COL5A1: variants seen among roughly 807,000 people sequenced by gnomAD.
COL5A1 encodes collagen type V alpha 1 chain, also known as collagen alpha-1(V) chain.
In COL5A1, 16 loss-of-function variants were observed where a neutral mutation model predicts 263.7. That is an observed-to-expected ratio of 0.06 (90% CI 0.04 to 0.09). The LOEUF (loss-of-function observed/expected upper bound fraction) is 0.09. Ranked by LOEUF, COL5A1 falls within the 10% of genes least tolerant of loss-of-function variation. COL5A1 has a pLI of 1.00. For missense variants in COL5A1, 2,036 were observed against 2,540.5 expected, an observed-to-expected ratio of 0.80 and a Z score of 4.27; for synonymous variants, 1,012 against 1,004.5, an observed-to-expected ratio of 1.01 and a Z score of -0.14.
chr9:134,642,829 C>G lies in COL5A1; in HGVS notation c.109+533C>G, dbSNP rs1224227087. Among the ~76,000 whole-genome samples, 3 of 152,206 alleles carry G rather than the reference C, an allele frequency of 2.0e-5. No individual in the cohort carries two copies. Among genetic ancestry groups the G allele is most frequent in the African/African-American group, 7.2e-5 (3 of 41,464 alleles). On this transcript the variant is annotated intron_variant, in intron 1 of 65. Transcript: ENST00000371817. This position sits in a 1 kb window ranked among gnomAD's most constrained non-coding sequence, Gnocchi z 4.5. ...AGGCTGAGCTGGCGCCCTGCTTTCC[C>G]CAGGGACAGCGTTTCCTGCAGCCTT...
At chr9:134,783,780 C>G (rs772784402) in intron 29 of COL5A1, among the ~76,000 whole-genome samples, 2 of 152,188 alleles carry the variant, frequency 1.3e-5, no homozygotes, top group Admixed American at 6.5e-5. Context: ...GGATCTCTTG[C>G]GCAATGTTGT....
intron 3 of COL5A1, 114 bp from the exon 4 acceptor site, chr9:134,701,057 C>A: frequency 9.1e-7 from 1 of 1,102,140 alleles, no homozygotes; most frequent in Non-Finnish European, 1.3e-6. Context: ...CTCCGCCCCA[C>A]CACGATCGTG....
chr9:134,652,019 C>A lies in COL5A1; in HGVS notation c.109+9723C>A, dbSNP rs1439773770. Among the ~76,000 whole-genome samples the A allele has an allele frequency of 6.6e-6, 1 of 152,058 alleles. No individual in the cohort carries two copies. The highest frequency in any genetic ancestry group is 1.5e-5 in the Non-Finnish European group (1 of 68,022). On this transcript the variant is annotated intron_variant, in intron 1 of 65. Transcript: ENST00000371817. The surrounding 1 kb of genome is among the most constrained non-coding windows in gnomAD (Gnocchi z 4.4). The stretch of plus-strand genomic sequence containing the variant: ...TCTTTCTAAGGAGGGATGGTGACTC[C>A]CAGAGGTATTAAGGAAAGGAGAAAG...
In COL5A1 at chr9:134,773,025, G is replaced by C. The variant is rs7470855; in HGVS notation, c.2331+191G>C. 0.29 allele frequency among the ~76,000 whole-genome samples: 44,073 copies of C among 152,012 alleles called. 6,748 individuals are homozygous for C. The highest frequency in any genetic ancestry group is 0.62 in the East Asian group (3,186 of 5,122). ...ACAGGCCTTTTCCCCAAGAAGCGGGGCACCCCTCTCTGGGTCAGTGCCCCT... is the reference window on the plus strand; with the variant it reads ...ACAGGCCTTTTCCCCAAGAAGCGGGCCACCCCTCTCTGGGTCAGTGCCCCT... On this transcript the variant is annotated intron_variant, in intron 26 of 65. Coordinates refer to ENST00000371817, the MANE Select transcript of COL5A1 (RefSeq NM_000093.5).
intron 16 of COL5A1, among the ~76,000 whole-genome samples, chr9:134,756,420 G>A (rs544752547): frequency 6.6e-5 from 10 of 152,288 alleles, no homozygotes; most frequent in South Asian, 2.1e-4. Flanking sequence ...CTAAATTCAC[G>A]GTCCCCTAGA....
intron 4 of COL5A1, among the ~76,000 whole-genome samples, chr9:134,720,601 A>T (rs1453070081): frequency 1.3e-5 from 2 of 152,110 alleles, no homozygotes; most frequent in African/African-American, 4.8e-5. Flanking sequence ...GTTGAGAAGG[A>T]TTCTGAGGGC....
In COL5A1 at chr9:134,842,309, G is replaced by C; in HGVS notation, c.*6G>C. ...CGGCTTGCTTCATGGGCTAGGAGCC[G>C]CCGAGCCCGGGCTCCCGAGAGCAAC... is the stretch of plus-strand genomic sequence containing the variant. On this transcript the variant is annotated 3_prime_UTR_variant, in exon 66 of 66. Coordinates refer to ENST00000371817, the MANE Select transcript of COL5A1 (RefSeq NM_000093.5). The surrounding 1 kb of genome is among the most constrained non-coding windows in gnomAD (Gnocchi z 5.8). The C allele has an allele frequency of 6.2e-7, 1 of 1,613,984 alleles. No homozygotes were observed. The highest frequency in any genetic ancestry group is 8.5e-7 in the Non-Finnish European group (1 of 1,179,966).
chr9:134,770,518 T>C (rs1471240570), intron 25 of COL5A1, among the ~76,000 whole-genome samples: 2 of 152,186 alleles, frequency 1.3e-5, no homozygotes, highest in South Asian at 2.1e-4. Flanking sequence ...AGAAAAATGC[T>C]CACAATGTAA....
chr9:134,699,450 C>CCTCCCTCCCTCTCT lies in COL5A1; in HGVS notation c.278-451_278-450insCTCTCTCTCCCTCC, dbSNP rs1345490423. ...CCCTTCTCCCTTCCTCTCTCTGCTTCCTCCCTCCGTCTCTCTCCCTCCCTC... is the reference window on the plus strand; with the variant it reads ...CCCTTCTCCCTTCCTCTCTCTGCTTCCTCCCTCCCTCTCTCTCCCTCCGTCTCTCTCCCTCCCTC... On this transcript the variant is annotated intron_variant, in intron 2 of 65. Transcript: ENST00000371817. Among the ~76,000 whole-genome samples the CCTCCCTCCCTCTCT allele has an allele frequency of 2.2e-4, 34 of 151,974 alleles. 1 individual carries two copies. Among genetic ancestry groups the CCTCCCTCCCTCTCT allele is most frequent in the Non-Finnish European group, 1.5e-5 (1 of 67,984 alleles).
Position 134,730,355 on chromosome 9 carries a change from G to C in COL5A1, c.1044G>C (p.Thr348=). 6.2e-7 allele frequency: 1 copy of C among 1,614,220 alleles called. No individual in the cohort carries two copies. Among genetic ancestry groups the C allele is most frequent in the Non-Finnish European group, 8.5e-7 (1 of 1,180,042 alleles). The change falls in exon 7 of 66, where the codon ACG becomes ACC. Residue 348 remains threonine, a synonymous_variant. Transcript: ENST00000371817. Reference sequence around the variant, plus strand: ...ACGTGCCCAGTGAGGACTACTACACGCCCTCACCGTATGATGACCTCACCT... The same window carrying C: ...ACGTGCCCAGTGAGGACTACTACACCCCCTCACCGTATGATGACCTCACCT... ...YDYVPSEDYY[T]PSPYDDLTYG... is the part of the protein sequence containing the mutation.
chr9:134,726,466 A>T (rs1309560004), intron 4 of COL5A1, among the ~76,000 whole-genome samples: 1 of 152,048 alleles, frequency 6.6e-6, no homozygotes, highest in African/African-American at 2.4e-5. Flanking sequence ...GAGTGGATGG[A>T]TGGGTGAATG....
intron 1 of COL5A1, among the ~76,000 whole-genome samples, chr9:134,671,988 G>T (rs1294388681): frequency 6.6e-6 from 1 of 152,368 alleles, no homozygotes; most frequent in Middle Eastern, 3.4e-3. Context: ...TTGGTGTGGG[G>T]GGGCCCACTT....
intron 1 of COL5A1, among the ~76,000 whole-genome samples, chr9:134,675,196 C>T (rs891015345): frequency 3.3e-5 from 5 of 152,120 alleles, no homozygotes; most frequent in African/African-American, 9.7e-5. Flanking sequence ...CATTTGTATT[C>T]ATCTCAAATT....
intron 27 of COL5A1, among the ~76,000 whole-genome samples, chr9:134,777,814 C>A (rs1276218907): frequency 1.3e-5 from 2 of 152,186 alleles, no homozygotes; most frequent in Non-Finnish European, 2.9e-5. Flanking sequence ...GAAATAATGC[C>A]AGCCACACAA....
intron 1 of COL5A1, among the ~76,000 whole-genome samples, chr9:134,664,495 A>G (rs892050120): frequency 2.6e-5 from 4 of 152,356 alleles, no homozygotes; most frequent in Non-Finnish European, 5.9e-5. Flanking sequence ...ATCAGTCAGA[A>G]AAGTCCAGCA....
Position 134,834,951 on chromosome 9 carries a change from C to A in COL5A1, c.5137-20C>A. On this transcript the variant is annotated intron_variant, in intron 64 of 65. Transcript: ENST00000371817. ...TGTGTGTCCCCACCCTGCTGAGCCCCAACACCCCTGTCCCCCCAGCTCTCC... is the reference window on the plus strand; with the variant it reads ...TGTGTGTCCCCACCCTGCTGAGCCCAAACACCCCTGTCCCCCCAGCTCTCC... 6.3e-7 allele frequency: 1 copy of A among 1,584,594 alleles called. No homozygotes were observed. The highest frequency in any genetic ancestry group is 8.6e-7 in the Non-Finnish European group (1 of 1,156,542).
chr9:134,704,793 C>CT (rs72014908), intron 4 of COL5A1, among the ~76,000 whole-genome samples: 37,207 of 116,744 alleles, frequency 0.32, 4,836 homozygotes, highest in Non-Finnish European at 0.41. Flanking sequence ...AGCATCTTTT[C>CT]TTTTTTTTTT....
intron 14 of COL5A1, 56 bp downstream of exon 14, chr9:134,752,701 T>A: frequency 1.4e-6 from 2 of 1,399,686 alleles, no homozygotes; most frequent in Non-Finnish European, 1.0e-6. Flanking sequence ...GCCCACTCCC[T>A]GTGTCGTTGG....
rs752713254 is a variant in COL5A1 at position 134,796,829 on chromosome 9, G to A, written c.2845-19G>A. 16 of 1,613,608 alleles carry A rather than the reference G, an allele frequency of 9.9e-6. No individual in the cohort carries two copies. The highest frequency in any genetic ancestry group is 2.2e-5 in the South Asian group (2 of 91,072). ...GGGAGAGACCTCTTGTCCTCAAACTGGCCTTTCTCTGTTCCCAGGGACCCA... is the reference window on the plus strand; with the variant it reads ...GGGAGAGACCTCTTGTCCTCAAACTAGCCTTTCTCTGTTCCCAGGGACCCA... On this transcript the variant is annotated intron_variant, in intron 35 of 65. Coordinates refer to ENST00000371817, the MANE Select transcript of COL5A1 (RefSeq NM_000093.5).
Sources: allele counts gnomAD v4.1 joint callset (sites outside exome capture counted in the v4.1 genomes callset), GRCh38; gene constraint gnomAD v4.1.1; non-coding constraint Gnocchi (gnomAD v3.1); transcripts MANE v1.5; gene names NCBI Gene and HGNC (gene_info 2026-07-23, HGNC 2026-07-21).